The following L3MBTL4 variants were observed in gnomAD, a reference collection of about 807,000 sequenced individuals.
L3MBTL4 encodes L3MBTL histone methyl-lysine binding protein 4, also known as lethal(3)malignant brain tumor-like protein 4.
In L3MBTL4, 70 loss-of-function variants were observed where a neutral mutation model predicts 84.5. That is an observed-to-expected ratio of 0.83 (90% CI 0.68 to 1.01). The LOEUF (loss-of-function observed/expected upper bound fraction) is 1.01, where lower values mean the gene tolerates loss of function less well. Among genes scored for constraint, L3MBTL4 ranks in the 50% least tolerant of loss-of-function variants. The probability of loss-of-function intolerance (pLI) is 0.00; values close to 1 mark genes in which losing one functional copy is unlikely to be tolerated. For synonymous variants in L3MBTL4, 274 were observed against 259.8 expected (o/e 1.05, Z -0.52); for missense variants, 715 against 754.8 (o/e 0.95, Z 0.62).
chr18:6,256,408 T>C (rs550883832), intron 5 of L3MBTL4, among the ~76,000 whole-genome samples: 1 of 151,894 alleles, frequency 6.6e-6, no homozygotes, highest in East Asian at 1.9e-4. Context: ...TCTAGGACAA[T>C]TAGGAGGTTA....
intron 10 of L3MBTL4, among the ~76,000 whole-genome samples, chr18:6,228,748 C>A (rs1433692838): frequency 1.3e-5 from 2 of 152,084 alleles, no homozygotes; most frequent in African/African-American, 4.8e-5. Flanking sequence ...AATGTCCCAT[C>A]ATGGAGATGC....
chr18:5,964,907 C>T (rs916260425), intron 17 of L3MBTL4, among the ~76,000 whole-genome samples: 1 of 152,186 alleles, frequency 6.6e-6, no homozygotes, highest in African/African-American at 2.4e-5. Context: ...ATTTGTCAAA[C>T]ACCTCTTCTG....
Position 6,373,778 on chromosome 18 carries a change from T to TA in L3MBTL4, c.-91+41022dup, listed in dbSNP as rs1196353008. Among the ~76,000 whole-genome samples, 653 of 140,134 alleles carry TA rather than the reference T, an allele frequency of 4.7e-3. 4 individuals carry two copies. The highest frequency in any genetic ancestry group is 0.014 in the Middle Eastern group (4 of 276). 91.9% of individuals were successfully genotyped at this position (140,134 alleles called of 152,430 possible). Reference sequence around the variant, plus strand: ...TCTGCCCAAATGTCAAGTGAATTGATAAAAAAAAAAAACCCACTTTACCAC... The same window carrying TA: ...TCTGCCCAAATGTCAAGTGAATTGATAAAAAAAAAAAAACCCACTTTACCAC... On this transcript the variant is annotated intron_variant, in intron 1 of 18. Coordinates refer to ENST00000317931, the MANE Select transcript of L3MBTL4 (RefSeq NM_001330559.2).
intron 10 of L3MBTL4, among the ~76,000 whole-genome samples, chr18:6,216,788 T>A (rs2046345381): frequency 6.6e-6 from 1 of 152,152 alleles, no homozygotes; most frequent in Non-Finnish European, 1.5e-5. Context: ...TAAATATTTA[T>A]TTGAGATACT....
chr18:6,162,156 T>G (rs1320140141), intron 13 of L3MBTL4, among the ~76,000 whole-genome samples: 1 of 152,122 alleles, frequency 6.6e-6, no homozygotes, highest in Non-Finnish European at 1.5e-5. Flanking sequence ...ATAATATCAC[T>G]GGTAGACAAC....
intron 14 of L3MBTL4, among the ~76,000 whole-genome samples, chr18:6,094,475 C>G (rs1196715397): frequency 3.3e-5 from 5 of 152,122 alleles, no homozygotes; most frequent in Non-Finnish European, 1.5e-5. Flanking sequence ...CAAACACACA[C>G]ACATCATGAA....
chr18:6,124,563 A>C (rs1488328768), intron 14 of L3MBTL4, among the ~76,000 whole-genome samples: 3 of 152,002 alleles, frequency 2.0e-5, no homozygotes, highest in Non-Finnish European at 4.4e-5. Context: ...ATAGCAAGCA[A>C]CAGGACAGAG....
intron 1 of L3MBTL4, among the ~76,000 whole-genome samples, chr18:6,377,655 TC>T (rs1235229447): frequency 6.6e-6 from 1 of 152,210 alleles, no homozygotes; most frequent in Non-Finnish European, 1.5e-5. Context: ...CATGAACACA[TC>T]CTTTTTTATG....
intron 13 of L3MBTL4, among the ~76,000 whole-genome samples, chr18:6,161,765 C>G (rs1322583244): frequency 2.0e-5 from 3 of 152,156 alleles, no homozygotes. Context: ...GCTCACCCCA[C>G]TGCATTCTGC....
chr18:6,379,073 TA>T (rs2054492111), intron 1 of L3MBTL4, among the ~76,000 whole-genome samples: 1 of 152,180 alleles, frequency 6.6e-6, no homozygotes, highest in Non-Finnish European at 1.5e-5. Flanking sequence ...TTTCTTCTCT[TA>T]CTAGCAATTG....
chr18:6,244,436 C>A, intron 6 of L3MBTL4, 48 bp downstream of exon 6: 2 of 1,156,168 alleles, frequency 1.7e-6, no homozygotes, highest in Non-Finnish European at 2.5e-6. Flanking sequence ...AGAAAATTAT[C>A]TTTCTGTCAC....
chr18:6,248,134 T>C (rs1339862328), intron 5 of L3MBTL4, among the ~76,000 whole-genome samples: 1 of 152,208 alleles, frequency 6.6e-6, no homozygotes, highest in Non-Finnish European at 1.5e-5. Context: ...AAAAGGTTTG[T>C]TCTGCCCTCC....
chr18:6,360,145 A>G (rs945712367), intron 1 of L3MBTL4, among the ~76,000 whole-genome samples: 7 of 152,186 alleles, frequency 4.6e-5, no homozygotes, highest in African/African-American at 1.7e-4. Flanking sequence ...CAAGGTGGGA[A>G]GGTAGTTTGA....
At chr18:6,089,275 T>C (rs1473520102) in intron 15 of L3MBTL4, among the ~76,000 whole-genome samples, 1 of 152,164 alleles carries the variant, frequency 6.6e-6, no homozygotes, top group Non-Finnish European at 1.5e-5. Context: ...TAGTATACTA[T>C]AATAAAACGT....
At chr18:6,307,890 T>C (rs376283752) in intron 3 of L3MBTL4, among the ~76,000 whole-genome samples, 7 of 152,252 alleles carry the variant, frequency 4.6e-5, no homozygotes, top group East Asian at 3.8e-4. Context: ...TCATTTTGTA[T>C]ATTCAAACAA....
At chr18:5,962,780 A>G (rs377095363) in intron 17 of L3MBTL4, among the ~76,000 whole-genome samples, 137 of 152,348 alleles carry the variant, frequency 9.0e-4, no homozygotes, top group Middle Eastern at 6.8e-3. Flanking sequence ...TAGGCAGGGC[A>G]GGAATCAAAG....
intron 12 of L3MBTL4, among the ~76,000 whole-genome samples, chr18:6,185,977 TTA>T (rs1370922396): frequency 6.7e-6 from 1 of 148,302 alleles, no homozygotes; most frequent in African/African-American, 2.6e-5. Flanking sequence ...TTATTTTATT[TTA>T]TTTTATTTTA....
At chr18:6,079,742 A>G (rs1022085996) in intron 16 of L3MBTL4, among the ~76,000 whole-genome samples, 1 of 152,206 alleles carries the variant, frequency 6.6e-6, no homozygotes, top group African/African-American at 2.4e-5. Context: ...TGGTTCCAAA[A>G]CATGTCGTTT....
intron 4 of L3MBTL4, among the ~76,000 whole-genome samples, chr18:6,290,344 C>T (rs2049802267): frequency 6.7e-6 from 1 of 150,350 alleles, no homozygotes; most frequent in African/African-American, 2.4e-5. Context: ...AATATAATTT[C>T]CTGTGTTGCC....
Sources: allele counts gnomAD v4.1 joint callset (sites outside exome capture counted in the v4.1 genomes callset), GRCh38; gene constraint gnomAD v4.1.1; transcripts MANE v1.5; gene names NCBI Gene and HGNC (gene_info 2026-07-23, HGNC 2026-07-21).